The following PPP1R9A variants were observed in gnomAD, a reference collection of about 807,000 sequenced individuals.
PPP1R9A encodes the protein protein phosphatase 1 regulatory subunit 9A, also known as neurabin-1.
In PPP1R9A, 59 loss-of-function variants were observed where a neutral mutation model predicts 141.9. That is an observed-to-expected ratio of 0.42 (90% confidence interval 0.34 to 0.52). The LOEUF is 0.52. PPP1R9A is among the 20% of genes least tolerant of loss of function. PPP1R9A has a pLI of 0.10. For missense variants in PPP1R9A, 1,444 were observed against 1,611.9 expected, an observed-to-expected ratio of 0.90 and a Z score of 1.78; for synonymous variants, 500 against 569.7, an observed-to-expected ratio of 0.88 and a Z score of 1.74.
intron 2 of PPP1R9A, among the ~76,000 whole-genome samples, chr7:94,965,562 TTTATTAAA>T (rs1317257290): frequency 6.6e-6 from 1 of 152,180 alleles, no homozygotes; most frequent in Non-Finnish European, 1.5e-5. Flanking sequence ...CCCAACACCG[TTTATTAAA>T]TAGGGAATCC....
chr7:95,192,049 A>G (rs1156970894), intron 5 of PPP1R9A, among the ~76,000 whole-genome samples: 1 of 152,086 alleles, frequency 6.6e-6, no homozygotes, highest in Non-Finnish European at 1.5e-5. Flanking sequence ...GTGATTATAT[A>G]GATTTATACT....
At chr7:95,028,909 T>C (rs911188258) in intron 2 of PPP1R9A, among the ~76,000 whole-genome samples, 1 of 152,194 alleles carries the variant, frequency 6.6e-6, no homozygotes, top group Non-Finnish European at 1.5e-5. Flanking sequence ...TTAGACCTGC[T>C]TGGACAAACA....
intron 16 of PPP1R9A, among the ~76,000 whole-genome samples, chr7:95,282,109 C>T (rs183315562): frequency 9.9e-5 from 15 of 152,264 alleles, no homozygotes; most frequent in African/African-American, 3.4e-4. Flanking sequence ...CACCTGTAAT[C>T]GCAGCACTTT....
At chr7:95,236,144 C>T (rs557218858) in intron 8 of PPP1R9A, among the ~76,000 whole-genome samples, 13 of 152,106 alleles carry the variant, frequency 8.5e-5, no homozygotes, top group African/African-American at 3.1e-4. Flanking sequence ...ATTATAACAA[C>T]AACAAAAAAA....
intron 4 of PPP1R9A, among the ~76,000 whole-genome samples, chr7:95,131,775 T>C (rs1420394440): frequency 6.6e-6 from 1 of 152,188 alleles, no homozygotes; most frequent in Non-Finnish European, 1.5e-5. Flanking sequence ...CAGATTGCTT[T>C]GGTCAGTATG....
At chr7:95,273,501 G>A (rs993050243) in intron 14 of PPP1R9A, among the ~76,000 whole-genome samples, 1 of 152,172 alleles carries the variant, frequency 6.6e-6, no homozygotes, top group Non-Finnish European at 1.5e-5. Context: ...CTGTTAGAAG[G>A]CACTACAACC....
intron 2 of PPP1R9A, among the ~76,000 whole-genome samples, chr7:94,950,820 C>T (rs914876938): frequency 6.6e-6 from 1 of 152,136 alleles, no homozygotes; most frequent in Non-Finnish European, 1.5e-5. Context: ...AATCATGGCT[C>T]ACTGCAGCCT....
chr7:94,916,385 A>G (rs1792082077), intron 2 of PPP1R9A, among the ~76,000 whole-genome samples: 1 of 152,228 alleles, frequency 6.6e-6, no homozygotes, highest in Non-Finnish European at 1.5e-5. Context: ...ACTCTTTGGA[A>G]TATGAATTTG....
intron 2 of PPP1R9A, among the ~76,000 whole-genome samples, chr7:94,940,591 TAA>T (rs1215866384): frequency 1.3e-5 from 2 of 151,978 alleles, no homozygotes; most frequent in East Asian, 3.9e-4. Context: ...TAAAGTAAAA[TAA>T]GTTGGCTCTG....
At chr7:94,931,770 G>T (rs1584268049) in intron 2 of PPP1R9A, among the ~76,000 whole-genome samples, 1 of 152,116 alleles carries the variant, frequency 6.6e-6, no homozygotes, top group Non-Finnish European at 1.5e-5. Flanking sequence ...TAGAGACAGG[G>T]TTTCTCCATG....
In PPP1R9A at chr7:95,294,880, A is replaced by T. The variant is rs982397154; in HGVS notation, c.*4577A>T. ...GAATGGTAGTTACTTGAAGGTTCAC[A>T]TATGTAAGCGTGTGGACCCAGCACA... On this transcript the variant is annotated 3_prime_UTR_variant, in exon 20 of 20. Coordinates refer to ENST00000433360, the MANE Select transcript of PPP1R9A (RefSeq NM_001166160.2). 1.3e-5 allele frequency: 2 copies of T among 152,560 alleles called. No homozygotes were observed. The highest frequency in any genetic ancestry group is 4.8e-5 in the African/African-American group (2 of 41,440). The allele number at this position is 152,560 out of a possible 1,614,324, so 9.5% of individuals were successfully genotyped here.
At chr7:94,962,406 A>G (rs1194983395) in intron 2 of PPP1R9A, among the ~76,000 whole-genome samples, 5 of 152,086 alleles carry the variant, frequency 3.3e-5, no homozygotes, top group Admixed American at 6.6e-5. Flanking sequence ...GGTTTTTTTA[A>G]TTAAGAAAAA....
chr7:95,166,483 C>A (rs1350727426), intron 5 of PPP1R9A, among the ~76,000 whole-genome samples: 1 of 152,128 alleles, frequency 6.6e-6, no homozygotes, highest in Non-Finnish European at 1.5e-5. Flanking sequence ...AAAACTGGAA[C>A]AGACCAATAA....
At chr7:94,918,824 A>G (rs887383400) in intron 2 of PPP1R9A, among the ~76,000 whole-genome samples, 1 of 152,338 alleles carries the variant, frequency 6.6e-6, no homozygotes. Flanking sequence ...AGCACACTAC[A>G]GGAAAGTCTA....
At chr7:95,249,630 C>A (rs193219127) in intron 9 of PPP1R9A, among the ~76,000 whole-genome samples, 3 of 152,214 alleles carry the variant, frequency 2.0e-5, no homozygotes, top group African/African-American at 4.8e-5. Context: ...TGGCCCTCTC[C>A]ACTCCCTTTT....
intron 17 of PPP1R9A, among the ~76,000 whole-genome samples, chr7:95,285,669 T>C (rs1805165970): frequency 6.6e-6 from 1 of 152,130 alleles, no homozygotes; most frequent in Non-Finnish European, 1.5e-5. Flanking sequence ...TACTAGTGTA[T>C]TGTCAGGCTG....
intron 16 of PPP1R9A, among the ~76,000 whole-genome samples, chr7:95,276,882 A>T (rs1003358488): frequency 6.6e-6 from 1 of 152,226 alleles, no homozygotes; most frequent in African/African-American, 2.4e-5. Flanking sequence ...GTATAGATTG[A>T]TAATGGGTAC....
chr7:95,025,570 G>A (rs1289402920), intron 2 of PPP1R9A, among the ~76,000 whole-genome samples: 1 of 152,094 alleles, frequency 6.6e-6, no homozygotes, highest in Non-Finnish European at 1.5e-5. Flanking sequence ...TCTTCTTGAG[G>A]AGTAACTTTT....
chr7:94,914,910 CTG>C (rs998174021), intron 2 of PPP1R9A, among the ~76,000 whole-genome samples: 118 of 152,314 alleles, frequency 7.7e-4, no homozygotes, highest in African/African-American at 2.7e-3. Flanking sequence ...GTTCCCAACT[CTG>C]TGCTTTGATG....
Sources: gnomAD v4.1 joint callset for allele counts (sites outside exome capture counted in the v4.1 genomes callset) on GRCh38, gnomAD v4.1.1 for gene constraint, MANE v1.5 for transcripts, NCBI Gene and HGNC (gene_info 2026-07-23, HGNC 2026-07-21) for gene names.